Variants in GPC2 observed in about 807,000 individuals in gnomAD.
The protein encoded by GPC2 is glypican 2.
In GPC2, 42 loss-of-function variants were observed where a neutral mutation model predicts 57.3. That is an observed-to-expected ratio of 0.73 (90% CI 0.57 to 0.95). The LOEUF (loss-of-function observed/expected upper bound fraction) is 0.95, where lower values mean the gene tolerates loss of function less well. Ranked by LOEUF, GPC2 falls within the 40% of genes least tolerant of loss-of-function variation. The probability of loss-of-function intolerance (pLI) is 0.00; values close to 1 mark genes in which losing one functional copy is unlikely to be tolerated. For synonymous variants in GPC2, 364 were observed against 343.4 expected, an observed-to-expected ratio of 1.06 and a Z score of -0.66; for missense variants, 745 against 793.6, an observed-to-expected ratio of 0.94 and a Z score of 0.74.
rs1799173354 is a variant in GPC2 at position 100,171,365 on chromosome 7, G to A, written c.1382C>T (p.Ser461Leu). 2.6e-6 allele frequency: 4 copies of A among 1,543,728 alleles called. No individual in the cohort carries two copies. The highest frequency in any genetic ancestry group is 3.5e-6 in the Non-Finnish European group (4 of 1,145,738). Residue 461 changes from serine to leucine, a missense_variant, in exon 9 of 10, where the codon TCG becomes TTG. Ser to Leu is a moderately radical substitution (Grantham distance 145). Transcript: ENST00000292377. The surrounding 1 kb of genome is among the most constrained non-coding windows in gnomAD (Gnocchi z 4.8). Reference sequence around the variant, plus strand: ...CCGCCGTGTCGGGACATCGGGGCCCGAGGCGTCCACCTTGAGCTCGGGGTT... The same window carrying A: ...CCGCCGTGTCGGGACATCGGGGCCCAAGGCGTCCACCTTGAGCTCGGGGTT... ...VNNPELKVDA[S>L]GPDVPTRRRR...
intron 5 of GPC2, chr7:100,173,480 G>A (rs561864007): frequency 5.0e-5 from 8 of 161,468 alleles, no homozygotes; most frequent in East Asian, 3.3e-4. Context: ...GTCTAGCTAC[G>A]TTGCCCAGGC....
intron 9 of GPC2, 144 bp from the exon 10 acceptor site, chr7:100,170,627 AC>A: frequency 1.5e-6 from 1 of 677,152 alleles, no homozygotes; most frequent in Non-Finnish European, 2.3e-6. Flanking sequence ...AGGGAGAAAG[AC>A]CATGAGTGAC....
chr7:100,177,002 C>A, intron 1 of GPC2, 32 bp downstream of exon 1: 3 of 553,766 alleles, frequency 5.4e-6, no homozygotes, highest in East Asian at 8.5e-5. Flanking sequence ...GCCCCCCACC[C>A]CCAATTCTCT....
In GPC2 at chr7:100,170,248, G is replaced by A. The variant is rs1346488011; in HGVS notation, c.1722C>T (p.Ala574=). ...TILILSLSAL[A]LLGPR ...TCCCCCGTTATCGAGGTCCAAGCAG[G>A]GCCAGGGCTGAGAGGGAGAGAATGA... Residue 574 remains alanine (A), a synonymous_variant, in exon 10 of 10, where the codon GCC becomes GCT. Transcript: ENST00000292377. The A allele has an allele frequency of 6.4e-7, 1 of 1,562,428 alleles. No homozygotes were observed. The highest frequency in any genetic ancestry group is 1.4e-5 in the African/African-American group (1 of 73,318).
At chr7:100,170,541 G>A (rs879908415) in intron 9 of GPC2, 58 bp from the exon 10 acceptor site, 44 of 1,374,040 alleles carry the variant, frequency 3.2e-5, no homozygotes, top group Non-Finnish European at 3.9e-5. Context: ...GGAGACAGAG[G>A]GAGGAAAAGA....
intron 5 of GPC2, among the ~76,000 whole-genome samples, chr7:100,172,675 G>GTGTGTGTGTGTATATATATATA (rs1584630519): frequency 5.9e-5 from 7 of 118,598 alleles, no homozygotes; most frequent in Admixed American, 4.3e-4. Flanking sequence ...ATATATATGT[G>GTGTGTGTGTGTATATATATATA]TGTGTGTGTG....
chr7:100,172,321 T>C, intron 5 of GPC2, 104 bp from the exon 6 acceptor site: 2 of 1,282,478 alleles, frequency 1.6e-6, no homozygotes, highest in Non-Finnish European at 2.2e-6. Context: ...GCAAAGTGTT[T>C]GGGGGAAACT....
chr7:100,172,515 G>C (rs2116983438), intron 5 of GPC2, among the ~76,000 whole-genome samples: 1 of 150,076 alleles, frequency 6.7e-6, no homozygotes, highest in South Asian at 2.1e-4. Flanking sequence ...AGGCTGGATG[G>C]AGTGCAGTGG....
chr7:100,174,840 C>G (rs1799240888), intron 3 of GPC2, 75 bp from the exon 4 acceptor site: 6 of 1,108,414 alleles, frequency 5.4e-6, no homozygotes, highest in Non-Finnish European at 8.1e-6. Flanking sequence ...CAAGAGACTG[C>G]ATCAAGAGCA....
At chr7:100,173,572 G>T (rs1414150389) in intron 5 of GPC2, 1 of 253,254 alleles carries the variant, frequency 3.9e-6, no homozygotes, top group Non-Finnish European at 7.4e-6. Context: ...GCGCTACCAT[G>T]CCTGGCTGAT....
rs1799156392 is a variant in GPC2, at chr7:100,170,328, G to T, written c.1642C>A (p.Gln548Lys). The change falls in exon 10 of 10, where the codon CAG becomes AAG. Residue 548 changes from glutamine (Q) to lysine (K), a missense_variant. Around this residue, in one of 2 missense-constraint regions of GPC2, gnomAD observed 607 missense variants for 603.9 expected, o/e 1.01. Transcript: ENST00000292377. ...KGGGGSARYN[Q>K]GRSRSGGASI... ...GCCCCCCCACTCCTGCTCCGGCCCT[G>T]GTTGTAGCGGGCACTGCCACCTCCT... 1 of 1,612,662 alleles carries T rather than the reference G, an allele frequency of 6.2e-7. No individual in the cohort carries two copies. Among genetic ancestry groups the T allele is most frequent in the Non-Finnish European group, 8.5e-7 (1 of 1,179,494 alleles).
intron 2 of GPC2, 55 bp downstream of exon 2, chr7:100,176,152 G>C (rs1799274097): frequency 6.7e-7 from 1 of 1,500,408 alleles, no homozygotes; most frequent in African/African-American, 1.4e-5. Context: ...CCTTGCTGGG[G>C]TCCTAAGCAC....
Position 100,171,473 on chromosome 7 carries a change from G to A in GPC2, c.1311-37C>T, listed in dbSNP as rs1431705544. 1.5e-6 allele frequency: 2 copies of A among 1,352,268 alleles called. No individual in the cohort carries two copies. Among genetic ancestry groups the A allele is most frequent in the Non-Finnish European group, 1.9e-6 (2 of 1,057,508 alleles). The allele number at this position is 1,352,268 out of a possible 1,614,324, so 83.8% of individuals were successfully genotyped here. A position where few individuals can be genotyped will look rare whatever the true frequency, so the allele number is the denominator to read the frequency against. ...GCAGCCCCGAAGCGCCAGCTAGCGC[G>A]CGCGGCCCCGCCCCTCCCGGCCGCG... On this transcript the variant is annotated intron_variant, in intron 8 of 9. Coordinates refer to ENST00000292377, the MANE Select transcript of GPC2 (RefSeq NM_152742.3). This position sits in a 1 kb window ranked among gnomAD's most constrained non-coding sequence, Gnocchi z 4.8.
intron 1 of GPC2, 106 bp downstream of exon 1, chr7:100,176,928 G>C: frequency 2.4e-6 from 2 of 829,126 alleles, no homozygotes; most frequent in Non-Finnish European, 3.6e-6. Flanking sequence ...GGGATGAAAA[G>C]ATTAGTATAA....
At position 100,170,152 on chromosome 7, in the gene GPC2, C is replaced by G; in HGVS notation, c.*78G>C. 7.0e-7 allele frequency: 1 copy of G among 1,434,438 alleles called. No homozygotes were observed. Among genetic ancestry groups the G allele is most frequent in the Non-Finnish European group, 9.3e-7 (1 of 1,074,114 alleles). 88.9% of individuals were successfully genotyped at this position (1,434,438 alleles called of 1,614,324 possible). ...CTACCCTCTCTGCAGCCCCCTTCGA[C>G]TCCTCCCCAGGCCCAGCTGAGGGGG... On this transcript the variant is annotated 3_prime_UTR_variant, in exon 10 of 10. Coordinates refer to ENST00000292377, the MANE Select transcript of GPC2 (RefSeq NM_152742.3).
intron 1 of GPC2, 85 bp downstream of exon 1, chr7:100,176,949 G>C: frequency 2.0e-6 from 2 of 1,017,818 alleles, no homozygotes; most frequent in Non-Finnish European, 1.4e-6. Context: ...CGGTCACTCT[G>C]AAAAGGAAGA....
At chr7:100,170,513 T>C (rs1196563535) in intron 9 of GPC2, 30 bp from the exon 10 acceptor site, 10 of 1,449,708 alleles carry the variant, frequency 6.9e-6, no homozygotes, top group Non-Finnish European at 9.1e-6. Flanking sequence ...CAGAGCAGGA[T>C]GGGAGGGAGA....
rs1432700452 is a variant in GPC2, at chr7:100,176,326, C to A, written c.206G>T (p.Cys69Phe). The change falls in exon 2 of 10, where the codon TGT (cysteine) becomes TTT (phenylalanine). Residue 69 changes from cysteine to phenylalanine, a missense_variant. Cys to Phe is a radical substitution (Grantham distance 205). This residue lies in a region of GPC2 where 138 missense variants were observed against 189.8 expected (regional missense o/e 0.73). Transcript: ENST00000292377. ...LRVCPQEYTC[C>F]SSETEQRLIR... ...CAGCCTCTGCTCTGTCTCACTGGAACAGCAGGTGTACTCCTGGGGACAGAC... is the reference window on the plus strand; with the variant it reads ...CAGCCTCTGCTCTGTCTCACTGGAAAAGCAGGTGTACTCCTGGGGACAGAC... 6.2e-7 allele frequency: 1 copy of A among 1,614,110 alleles called. No homozygotes were observed. The highest frequency in any genetic ancestry group is 8.5e-7 in the Non-Finnish European group (1 of 1,179,972).
intron 1 of GPC2, 74 bp downstream of exon 1, chr7:100,176,960 G>C (rs1265736258): frequency 1.9e-6 from 2 of 1,071,614 alleles, no homozygotes; most frequent in East Asian, 2.8e-5. Flanking sequence ...AAAAGGAAGA[G>C]AGTTATTGTG....
Sources: gnomAD v4.1 joint callset for allele counts (sites outside exome capture counted in the v4.1 genomes callset) on GRCh38, gnomAD v4.1.1 for gene constraint, gnomAD v4.1.1 regional missense constraint, Gnocchi (gnomAD v3.1) non-coding constraint, MANE v1.5 for transcripts, NCBI Gene and HGNC (gene_info 2026-07-23, HGNC 2026-07-21) for gene names.